KSR2: variants seen among roughly 807,000 people sequenced by gnomAD.
KSR2 encodes kinase suppressor of ras 2.
In KSR2, 25 loss-of-function variants were observed where a neutral mutation model predicts 107.8. The ratio of observed to expected loss-of-function variants is 0.23; its 90% CI spans 0.17 to 0.32. The LOEUF (loss-of-function observed/expected upper bound fraction) is 0.32. KSR2 is among the 10% of genes least tolerant of loss of function. KSR2 has a pLI of 1.00. For missense variants in KSR2, 887 were observed against 1,268.9 expected, an observed-to-expected ratio of 0.70 and a Z score of 4.57; for synonymous variants, 480 against 507.0, an observed-to-expected ratio of 0.95 and a Z score of 0.71.
intron 3 of KSR2, among the ~76,000 whole-genome samples, chr12:117,771,256 T>G (rs775052608): frequency 1.1e-4 from 16 of 152,190 alleles, no homozygotes; most frequent in Non-Finnish European, 2.2e-4. Flanking sequence ...TCTAATTGCC[T>G]CCCTTGGAAA....
intron 3 of KSR2, among the ~76,000 whole-genome samples, chr12:117,805,124 A>G (rs1476327420): frequency 2.0e-5 from 3 of 152,220 alleles, no homozygotes; most frequent in African/African-American, 7.2e-5. Context: ...TCCCTCTCCA[A>G]GACATTTGGC....
At chr12:117,513,392 C>A (rs1410934748) in intron 14 of KSR2, among the ~76,000 whole-genome samples, 3 of 152,166 alleles carry the variant, frequency 2.0e-5, no homozygotes, top group Non-Finnish European at 4.4e-5. Flanking sequence ...AGTGATCAAG[C>A]AACTGGAGCC....
In KSR2 at chr12:117,938,736, G is replaced by A. The variant is rs146537163; in HGVS notation, c.180+29340C>T. On this transcript the variant is annotated intron_variant, in intron 1 of 19. Transcript: ENST00000339824. Reference sequence around the variant, plus strand: ...ACTGCACCCCAGCCTAGGCAACAGAGCAAAACTGTCTCTAAACAAACAAAC... The same window carrying A: ...ACTGCACCCCAGCCTAGGCAACAGAACAAAACTGTCTCTAAACAAACAAAC... 1.1e-3 allele frequency among the ~76,000 whole-genome samples: 169 copies of A among 152,112 alleles called. 1 individual carries two copies. Among genetic ancestry groups the A allele is most frequent in the Non-Finnish European group, 1.8e-3 (121 of 67,984 alleles).
chr12:117,813,202 G>A (rs572079476), intron 3 of KSR2, among the ~76,000 whole-genome samples: 1 of 152,148 alleles, frequency 6.6e-6, no homozygotes, highest in African/African-American at 2.4e-5. Context: ...ATAGGCAAAA[G>A]GCTTCAGAAC....
chr12:117,632,380 A>G (rs766372467), intron 5 of KSR2, among the ~76,000 whole-genome samples: 2 of 151,358 alleles, frequency 1.3e-5, no homozygotes, highest in African/African-American at 4.9e-5. Flanking sequence ...GCCCGCCACC[A>G]TGCCTGGCTA....
intron 5 of KSR2, among the ~76,000 whole-genome samples, chr12:117,594,546 G>A (rs962079203): frequency 4.7e-5 from 7 of 148,280 alleles, no homozygotes; most frequent in Non-Finnish European, 1.1e-4. Flanking sequence ...GAGGCGACAG[G>A]GTTGTGACAG....
At chr12:117,867,505 C>A (rs1893513686) in intron 1 of KSR2, among the ~76,000 whole-genome samples, 1 of 152,168 alleles carries the variant, frequency 6.6e-6, no homozygotes, top group South Asian at 2.1e-4. Flanking sequence ...CAAAGAGGTG[C>A]AGTCTGTGTC....
rs569330929 is a variant in KSR2 at position 117,572,019 on chromosome 12, G to A, written c.1325+7100C>T. On this transcript the variant is annotated intron_variant, in intron 7 of 19. Transcript: ENST00000339824. The stretch of plus-strand genomic sequence containing the variant: ...CTGGAGCCTCAGGTAGCAGCAGCCT[G>A]AATCATGGCAATAACTGGCCCACCC... Among the ~76,000 whole-genome samples the A allele has an allele frequency of 9.2e-5, 14 of 152,190 alleles. No homozygotes were observed. In the East Asian group the frequency reaches 2.7e-3, roughly 29 times the overall value.
chr12:117,596,966 G>T (rs559866076), intron 5 of KSR2, among the ~76,000 whole-genome samples: 1 of 152,256 alleles, frequency 6.6e-6, no homozygotes, highest in East Asian at 1.9e-4. Context: ...TCTTTTTCTG[G>T]AATGGTGATT....
intron 15 of KSR2, 92 bp from the exon 16 acceptor site, chr12:117,484,641 T>G (rs1872356492): frequency 7.4e-6 from 10 of 1,353,516 alleles, no homozygotes; most frequent in Non-Finnish European, 8.2e-6. Context: ...TCCTGAAGAC[T>G]TGGCTCCCTA....
intron 1 of KSR2, among the ~76,000 whole-genome samples, chr12:117,951,769 T>G (rs956067254): frequency 6.6e-6 from 1 of 152,118 alleles, no homozygotes; most frequent in African/African-American, 2.4e-5. Flanking sequence ...CCTCATTCCC[T>G]CTTCTCCAGA....
intron 1 of KSR2, among the ~76,000 whole-genome samples, chr12:117,930,206 G>C (rs1358175432): frequency 2.6e-5 from 4 of 152,024 alleles, no homozygotes; most frequent in African/African-American, 9.7e-5. Context: ...ATAATGTTTT[G>C]TATTTTTAGC....
chr12:117,492,270 A>G (rs73401447), intron 14 of KSR2, among the ~76,000 whole-genome samples: 15,704 of 152,296 alleles, frequency 0.1, 1,452 homozygotes, highest in African/African-American at 0.25. Flanking sequence ...CTTGTCAGAA[A>G]CAATGAGATA....
chr12:117,800,826 C>T (rs2137019767), intron 3 of KSR2, among the ~76,000 whole-genome samples: 1 of 152,218 alleles, frequency 6.6e-6, no homozygotes, highest in Admixed American at 6.5e-5. Flanking sequence ...GTTCAACTCC[C>T]ACTTATAAGT....
At chr12:117,925,607 G>A (rs1387238266) in intron 1 of KSR2, among the ~76,000 whole-genome samples, 1 of 152,154 alleles carries the variant, frequency 6.6e-6, no homozygotes, top group Admixed American at 6.5e-5. Context: ...AATGACAGCA[G>A]CAATGGCTAT....
At chr12:117,498,181 G>A (rs779170185) in intron 14 of KSR2, among the ~76,000 whole-genome samples, 1 of 152,190 alleles carries the variant, frequency 6.6e-6, no homozygotes, top group Non-Finnish European at 1.5e-5. Context: ...TCATAAGCTC[G>A]CCAGGAAAAG....
chr12:117,782,420 C>T (rs1434472592), intron 3 of KSR2, among the ~76,000 whole-genome samples: 1 of 152,140 alleles, frequency 6.6e-6, no homozygotes, highest in Non-Finnish European at 1.5e-5. Flanking sequence ...TGCACCACTA[C>T]ACTTAGCTAA....
intron 5 of KSR2, among the ~76,000 whole-genome samples, chr12:117,630,453 A>T (rs1275830652): frequency 6.6e-6 from 1 of 152,096 alleles, no homozygotes; most frequent in Non-Finnish European, 1.5e-5. Flanking sequence ...ATATGGTACA[A>T]AATGAAGCTG....
Position 117,465,289 on chromosome 12 carries a change from T to C in KSR2, c.*1910A>G, listed in dbSNP as rs990915360. The stretch of plus-strand genomic sequence containing the variant: ...TGGCTGGGGCTCAGGCAAACATATA[T>C]AAAATGCCTCCAAGACACACACACG... On this transcript the variant is annotated 3_prime_UTR_variant, in exon 20 of 20. Transcript: ENST00000339824. 1 of 152,018 alleles carries C rather than the reference T, an allele frequency of 6.6e-6. No individual in the cohort carries two copies. The highest frequency in any genetic ancestry group is 1.5e-5 in the Non-Finnish European group (1 of 68,034). 9.4% of individuals were successfully genotyped at this position (152,018 alleles called of 1,614,324 possible). A position where few individuals can be genotyped will look rare whatever the true frequency, so the allele number is the denominator to read the frequency against.
Sources: allele counts gnomAD v4.1 joint callset (sites outside exome capture counted in the v4.1 genomes callset), GRCh38; gene constraint gnomAD v4.1.1; transcripts MANE v1.5; gene names NCBI Gene and HGNC (gene_info 2026-07-23, HGNC 2026-07-21).